IMMP2L: variants seen among roughly 807,000 people sequenced by gnomAD.
The protein encoded by IMMP2L is mitochondrial inner membrane protease subunit 2.
A neutral mutation model predicts 19.3 loss-of-function variants in IMMP2L; 18 were observed. The ratio of observed to expected loss-of-function variants is 0.93; its 90% CI spans 0.64 to 1.38. IMMP2L has a LOEUF of 1.38. Among genes scored for constraint, IMMP2L ranks in the 40% most tolerant of loss-of-function variants. The pLI, the probability that IMMP2L is intolerant of heterozygous loss-of-function variation, is 0.00. For synonymous variants in IMMP2L, 76 were observed against 73.0 expected (o/e 1.04, Z -0.21); for missense variants, 233 against 218.2 (o/e 1.07, Z -0.43).
At chr7:110,882,326 TTCCTTCCTTCCTTCCC>T (rs1331024504) in intron 5 of IMMP2L, among the ~76,000 whole-genome samples, 1 of 105,698 alleles carries the variant, frequency 9.5e-6, no homozygotes, top group African/African-American at 3.0e-5. Context: ...CCTTCCTTCC[TTCCTTCCTTCCTTCCC>T]TCCTTCCTCT....
intron 5 of IMMP2L, among the ~76,000 whole-genome samples, chr7:110,714,249 C>A (rs1485943037): frequency 6.6e-6 from 1 of 152,108 alleles, no homozygotes; most frequent in African/African-American, 2.4e-5. Context: ...TATGTTGAAC[C>A]AAACTTGCAT....
intron 4 of IMMP2L, among the ~76,000 whole-genome samples, chr7:110,960,628 C>A (rs1363605333): frequency 6.6e-6 from 1 of 151,586 alleles, no homozygotes; most frequent in Non-Finnish European, 1.5e-5. Flanking sequence ...CTGCTCTTCC[C>A]AGTTTCTGCC....
chr7:110,721,653 A>T (rs1304106030), intron 5 of IMMP2L, among the ~76,000 whole-genome samples: 1 of 152,124 alleles, frequency 6.6e-6, no homozygotes, highest in Non-Finnish European at 1.5e-5. Context: ...TTACCTCAGA[A>T]CTATCAGTAT....
At chr7:111,558,656 G>T (rs1009391977) in intron 1 of IMMP2L, among the ~76,000 whole-genome samples, 7 of 152,098 alleles carry the variant, frequency 4.6e-5, no homozygotes, top group African/African-American at 1.7e-4. Context: ...ATTCTAGGTT[G>T]GCACTCAGGA....
intron 4 of IMMP2L, among the ~76,000 whole-genome samples, chr7:110,934,039 T>A (rs1815803941): frequency 6.6e-6 from 1 of 152,202 alleles, no homozygotes; most frequent in Non-Finnish European, 1.5e-5. Flanking sequence ...GTACGTTGTT[T>A]CTTTGTTCTT....
At chr7:110,817,388 A>T (rs1802621988) in intron 5 of IMMP2L, among the ~76,000 whole-genome samples, 1 of 152,110 alleles carries the variant, frequency 6.6e-6, no homozygotes, top group Admixed American at 6.6e-5. Flanking sequence ...TAAAATACCT[A>T]GGAATCCAAC....
intron 3 of IMMP2L, among the ~76,000 whole-genome samples, chr7:111,029,252 G>GA (rs1563174462): frequency 6.6e-6 from 1 of 152,150 alleles, no homozygotes; most frequent in Non-Finnish European, 1.5e-5. Context: ...GTTCAAGGAT[G>GA]GTCAAACAGA....
chr7:111,531,951 G>A (rs116166862), intron 1 of IMMP2L, among the ~76,000 whole-genome samples: 2,397 of 151,758 alleles, frequency 0.016, 60 homozygotes, highest in African/African-American at 0.055. Context: ...TTTGGGCTGT[G>A]TTCAAAATTG....
At chr7:110,693,490 C>T (rs1449585732) in intron 5 of IMMP2L, among the ~76,000 whole-genome samples, 1 of 152,170 alleles carries the variant, frequency 6.6e-6, no homozygotes. Flanking sequence ...TCTGTATTTA[C>T]TCACTAGGCT....
At chr7:110,750,151 T>C (rs1196601029) in intron 5 of IMMP2L, among the ~76,000 whole-genome samples, 1 of 152,114 alleles carries the variant, frequency 6.6e-6, no homozygotes, top group Non-Finnish European at 1.5e-5. Flanking sequence ...TTAAGGAATT[T>C]TTTTAAACTT....
intron 3 of IMMP2L, among the ~76,000 whole-genome samples, chr7:111,482,622 G>A (rs1253652692): frequency 6.6e-6 from 1 of 151,940 alleles, no homozygotes; most frequent in African/African-American, 2.4e-5. Flanking sequence ...CCAAGTATGT[G>A]GTTCCAAGAA....
chr7:110,929,012 C>T (rs1815183849), intron 4 of IMMP2L, among the ~76,000 whole-genome samples: 1 of 152,024 alleles, frequency 6.6e-6, no homozygotes, highest in Non-Finnish European at 1.5e-5. Flanking sequence ...AATCACTAGC[C>T]CATCTCTGTG....
intron 3 of IMMP2L, among the ~76,000 whole-genome samples, chr7:111,179,371 T>A (rs533842782): frequency 1.3e-5 from 2 of 152,052 alleles, no homozygotes; most frequent in Admixed American, 1.3e-4. Context: ...CATTATGAGA[T>A]TTTTTTGCAA....
At chr7:111,065,288 T>C (rs1198991304) in intron 3 of IMMP2L, among the ~76,000 whole-genome samples, 1 of 152,222 alleles carries the variant, frequency 6.6e-6, no homozygotes, top group Non-Finnish European at 1.5e-5. Context: ...ATAATAGCAT[T>C]TGGTTTGGGG....
chr7:110,687,134 C>T (rs555836125), intron 5 of IMMP2L, among the ~76,000 whole-genome samples: 2 of 152,192 alleles, frequency 1.3e-5, no homozygotes, highest in East Asian at 3.9e-4. Context: ...CACAGTGTAA[C>T]CAGCATGGTT....
intron 4 of IMMP2L, among the ~76,000 whole-genome samples, chr7:110,933,359 G>A (rs1240308708): frequency 2.0e-5 from 3 of 152,164 alleles, no homozygotes; most frequent in Non-Finnish European, 2.9e-5. Context: ...GTTCAGTTAA[G>A]TTTGTGAGGT....
chr7:111,539,193 AGG>A (rs1848230450), intron 1 of IMMP2L, among the ~76,000 whole-genome samples: 6 of 44,344 alleles, frequency 1.4e-4, no homozygotes, highest in South Asian at 8.5e-4. Context: ...GGAAGGAAGG[AGG>A]GAGAAAGAAA....
At position 111,016,816 on chromosome 7, in the gene IMMP2L, TTA is replaced by T. The variant is rs1349803066; in HGVS notation, c.240-53253_240-53252del. Among the ~76,000 whole-genome samples the T allele has an allele frequency of 1.5e-3, 75 of 49,818 alleles. 1 individual carries two copies. The highest frequency in any genetic ancestry group is 0.024 in the Middle Eastern group (1 of 42). The allele number at this position is 49,818 out of a possible 152,430, so 32.7% of individuals were successfully genotyped here. A position where few individuals can be genotyped will look rare whatever the true frequency, so the allele number is the denominator to read the frequency against. On this transcript the variant is annotated intron_variant, in intron 3 of 5. Transcript: ENST00000405709. ...TATAATATATAATATATACTATATA[TTA>T]TATATAATATATAGTATATATTATA...
intron 5 of IMMP2L, among the ~76,000 whole-genome samples, chr7:110,755,616 A>T (rs1266887090): frequency 6.6e-6 from 1 of 152,142 alleles, no homozygotes; most frequent in Non-Finnish European, 1.5e-5. Context: ...GCTTTAGCGT[A>T]TAGTGGTGTG....
Sources: allele counts gnomAD v4.1 joint callset (sites outside exome capture counted in the v4.1 genomes callset), GRCh38; gene constraint gnomAD v4.1.1; transcripts MANE v1.5; gene names NCBI Gene and HGNC (gene_info 2026-07-23, HGNC 2026-07-21).